Variants in LRRC43 observed in about 807,000 individuals in gnomAD.
LRRC43 encodes leucine rich repeat containing 43.
LRRC43 carries 62 observed loss-of-function variants against 64.3 expected under a neutral mutation model. The observed-to-expected ratio is 0.96, with a 90% CI of 0.79 to 1.19. The LOEUF (loss-of-function observed/expected upper bound fraction) is 1.19, where lower values mean the gene tolerates loss of function less well. LRRC43 is among the 50% of genes most tolerant of loss of function. The pLI is 0.00. For missense variants in LRRC43, 868 were observed against 845.0 expected (o/e 1.03, Z -0.34); for synonymous variants, 422 against 382.3 (o/e 1.10, Z -1.21).
chr12:122,184,491 A>G lies in LRRC43; in HGVS notation c.151-28A>G. On this transcript the variant is annotated intron_variant, in intron 1 of 11. Transcript: ENST00000339777. The surrounding 1 kb of genome is among the most constrained non-coding windows in gnomAD (Gnocchi z 4.0). Reference sequence around the variant, plus strand: ...TCCTTAAGGGGGCTGTGTCACACCTACAGAAAATCCCTCCTCTGCCACTGC... The same window carrying G: ...TCCTTAAGGGGGCTGTGTCACACCTGCAGAAAATCCCTCCTCTGCCACTGC... The G allele has an allele frequency of 6.2e-7, 1 of 1,608,790 alleles. No homozygotes were observed. Among genetic ancestry groups the G allele is most frequent in the East Asian group, 2.2e-5 (1 of 44,780 alleles).
At chr12:122,202,648 C>T (rs565451224) in intron 11 of LRRC43, among the ~76,000 whole-genome samples, 23 of 152,204 alleles carry the variant, frequency 1.5e-4, no homozygotes, top group South Asian at 8.3e-4. Flanking sequence ...TATCACCACC[C>T]ACATCATTAG....
chr12:122,172,867 C>T (rs1953501554), intron 1 of LRRC43: 2 of 757,904 alleles, frequency 2.6e-6, no homozygotes, highest in African/African-American at 1.8e-5. Flanking sequence ...AATGTCACAA[C>T]CCTATGAGGC....
chr12:122,191,939 G>A (rs1270923707), intron 6 of LRRC43, among the ~76,000 whole-genome samples: 1 of 151,892 alleles, frequency 6.6e-6, no homozygotes, highest in Admixed American at 6.6e-5. Flanking sequence ...GAGCCACCGC[G>A]CTGGCCAAGA....
chr12:122,189,618 G>A (rs1025526190), intron 4 of LRRC43: 6 of 384,180 alleles, frequency 1.6e-5, no homozygotes, highest in Non-Finnish European at 2.6e-5. Flanking sequence ...CTGGGGTCCC[G>A]CCCCAGTCTG....
Position 122,203,185 on chromosome 12 carries a change from A to G in LRRC43, c.1844-130A>G, listed in dbSNP as rs528651515. ...TTAATTTTATTTCTTATTACTGTTA[A>G]CACCCGAGGACCAAAACTGTGCTCC... is the stretch of plus-strand genomic sequence containing the variant. On this transcript the variant is annotated intron_variant, in intron 11 of 11. Transcript: ENST00000339777. 46 of 838,188 alleles carry G rather than the reference A, an allele frequency of 5.5e-5. No individual in the cohort carries two copies. The South Asian group carries it at 7.5e-4, about 14-fold the overall frequency. 51.9% of individuals were successfully genotyped at this position (838,188 alleles called of 1,614,324 possible).
chr12:122,185,193 C>T (rs1315640279), intron 2 of LRRC43, among the ~76,000 whole-genome samples: 3 of 152,136 alleles, frequency 2.0e-5, no homozygotes, highest in Admixed American at 6.6e-5. Context: ...AGCCCAGTCT[C>T]GGCATGGTGG....
chr12:122,200,470 G>A lies in LRRC43; in HGVS notation c.1492-62G>A. The A allele has an allele frequency of 6.2e-7, 1 of 1,612,216 alleles. No homozygotes were observed. The highest frequency in any genetic ancestry group is 8.5e-7 in the Non-Finnish European group (1 of 1,178,624). The stretch of plus-strand genomic sequence containing the variant: ...GCGCCATTCCAGAAAGGGTGAGGGA[G>A]AGGTGACCCCAGGCAGCCCGCCTGG... On this transcript the variant is annotated intron_variant, in intron 8 of 11. Coordinates refer to ENST00000339777, the MANE Select transcript of LRRC43 (RefSeq NM_001098519.2). This position sits in a 1 kb window ranked among gnomAD's most constrained non-coding sequence, Gnocchi z 4.6.
intron 1 of LRRC43, among the ~76,000 whole-genome samples, chr12:122,177,410 A>G (rs1390363190): frequency 6.6e-6 from 1 of 151,980 alleles, no homozygotes; most frequent in Admixed American, 6.6e-5. Context: ...CAGCTCAGTG[A>G]GTTCCTGAGC....
At chr12:122,191,824 T>C (rs961102194) in intron 6 of LRRC43, among the ~76,000 whole-genome samples, 3 of 152,022 alleles carry the variant, frequency 2.0e-5, no homozygotes, top group African/African-American at 7.3e-5. Context: ...CAGCTAATTT[T>C]TGTATTTTTA....
intron 7 of LRRC43, among the ~76,000 whole-genome samples, chr12:122,193,409 A>AAAAAG (rs1953743955): frequency 7.1e-6 from 1 of 141,558 alleles, no homozygotes; most frequent in Non-Finnish European, 1.5e-5. Context: ...AAAAAAAAAA[A>AAAAAG]GGCCCACTAG....
upstream of LRRC43, among the ~76,000 whole-genome samples, chr12:122,178,983 A>C (rs1178981334): frequency 6.6e-6 from 1 of 152,170 alleles, no homozygotes; most frequent in East Asian, 1.9e-4. Flanking sequence ...TGGTTTGAGC[A>C]ACTGGATAAA....
rs1444760721 is a variant in LRRC43, at chr12:122,200,270, C to T, written c.1431C>T (p.Asp477=). Reference sequence around the variant, plus strand: ...ACGAGATGCAGCACTCTCTCAGGGACCTGGTCCCACTGAAGGCCTTCCTGC... The same window carrying T: ...ACGAGATGCAGCACTCTCTCAGGGATCTGGTCCCACTGAAGGCCTTCCTGC... ...CSYEMQHSLR[D]LVPLKAFLLA... Residue 477 remains aspartate (D), a synonymous_variant, in exon 8 of 12, where the codon GAC becomes GAT. Transcript: ENST00000339777. This position sits in a 1 kb window ranked among gnomAD's most constrained non-coding sequence, Gnocchi z 4.6. 4 of 1,613,926 alleles carry T rather than the reference C, an allele frequency of 2.5e-6. No homozygotes were observed. The highest frequency in any genetic ancestry group is 1.7e-6 in the Non-Finnish European group (2 of 1,180,032).
chr12:122,191,783 A>G (rs1374874147), intron 6 of LRRC43, among the ~76,000 whole-genome samples: 1 of 151,740 alleles, frequency 6.6e-6, no homozygotes, highest in East Asian at 1.9e-4. Flanking sequence ...GATCCCCAGT[A>G]GCTGGAATTA....
chr12:122,192,139 CTT>C (rs142945876), intron 6 of LRRC43, among the ~76,000 whole-genome samples: 6,842 of 151,352 alleles, frequency 0.045, 435 homozygotes, highest in African/African-American at 0.14. Flanking sequence ...CAATTTATTT[CTT>C]TTTTGTGTGT....
At chr12:122,175,162 C>CTTTCTTTA (rs1953526288) in intron 1 of LRRC43, among the ~76,000 whole-genome samples, 1 of 151,048 alleles carries the variant, frequency 6.6e-6, no homozygotes, top group Admixed American at 6.6e-5. Context: ...GCTTTTCTTT[C>CTTTCTTTA]TTTCTTTCTT....
chr12:122,187,931 G>A, intron 4 of LRRC43, 91 bp downstream of exon 4: 1 of 1,358,438 alleles, frequency 7.4e-7, no homozygotes, highest in Non-Finnish European at 1.0e-6. Flanking sequence ...ACTCAGCTTT[G>A]GTCTTTTTTG....
At chr12:122,179,969 CAA>C (rs59930172), upstream of LRRC43, among the ~76,000 whole-genome samples, 15 of 46,650 alleles carry the variant, frequency 3.2e-4, no homozygotes, top group Admixed American at 1.3e-3. Context: ...GACTCCGTCT[CAA>C]AAAAAAAAAA....
intron 2 of LRRC43, among the ~76,000 whole-genome samples, chr12:122,185,332 A>C (rs1298719444): frequency 6.6e-6 from 1 of 151,962 alleles, no homozygotes; most frequent in Non-Finnish European, 1.5e-5. Flanking sequence ...AAATTTAGCC[A>C]GGTATGGTGG....
At position 122,192,733 on chromosome 12, in the gene LRRC43, C is replaced by T. The variant is rs769035873; in HGVS notation, c.1090-12C>T. 6 of 1,610,734 alleles carry T rather than the reference C, an allele frequency of 3.7e-6. No individual in the cohort carries two copies. The highest frequency in any genetic ancestry group is 1.3e-5 in the African/African-American group (1 of 74,866). On this transcript the variant is annotated splice_polypyrimidine_tract_variant and intron_variant, in intron 6 of 11. Transcript: ENST00000339777. ...ACGGCAGCCTTGGACGAGTTTCTGT[C>T]TCTTCCTGCAGATCGTCAAGCCCTC...
Sources: allele counts gnomAD v4.1 joint callset (sites outside exome capture counted in the v4.1 genomes callset), GRCh38; gene constraint gnomAD v4.1.1; non-coding constraint Gnocchi (gnomAD v3.1); transcripts MANE v1.5; gene names NCBI Gene and HGNC (gene_info 2026-07-23, HGNC 2026-07-21).